Variants in TMPRSS11F observed in about 807,000 individuals in gnomAD.
The protein encoded by TMPRSS11F is transmembrane serine protease 11F.
TMPRSS11F carries 47 observed loss-of-function variants against 60.2 expected under a neutral mutation model. That is an observed-to-expected ratio of 0.78 (90% CI 0.62 to 1.00). The LOEUF (loss-of-function observed/expected upper bound fraction) is 1.00, where lower values mean the gene tolerates loss of function less well. Among genes scored for constraint, TMPRSS11F ranks in the 50% least tolerant of loss-of-function variants. The probability of loss-of-function intolerance (pLI) is 0.00; values close to 1 mark genes in which losing one functional copy is unlikely to be tolerated. For missense variants in TMPRSS11F, 519 were observed against 522.9 expected, an observed-to-expected ratio of 0.99 and a Z score of 0.07; for synonymous variants, 166 against 167.3, an observed-to-expected ratio of 0.99 and a Z score of 0.06.
intron 1 of TMPRSS11F, among the ~76,000 whole-genome samples, chr4:68,107,097 A>G (rs1343723243): frequency 6.6e-6 from 1 of 152,220 alleles, no homozygotes; most frequent in Non-Finnish European, 1.5e-5. Flanking sequence ...TTCTTGTATT[A>G]GAATGGTCAC....
chr4:68,126,789 A>G (rs765370770), intron 1 of TMPRSS11F, among the ~76,000 whole-genome samples: 3 of 152,252 alleles, frequency 2.0e-5, no homozygotes, highest in Non-Finnish European at 2.9e-5. Context: ...AATGTGTTAC[A>G]TATGTTTGAA....
chr4:68,094,041 A>T (rs1724012742), intron 2 of TMPRSS11F, among the ~76,000 whole-genome samples: 1 of 121,706 alleles, frequency 8.2e-6, no homozygotes, highest in Middle Eastern at 3.7e-3. Flanking sequence ...CAGCCATCCC[A>T]TTACTGGGTA....
chr4:68,067,770 T>C (rs1243631109), intron 7 of TMPRSS11F, among the ~76,000 whole-genome samples: 2 of 152,204 alleles, frequency 1.3e-5, no homozygotes, highest in African/African-American at 4.8e-5. Flanking sequence ...AGAAGGATGA[T>C]AAAGCACCTC....
chr4:68,055,832 A>T (rs1723032519), intron 9 of TMPRSS11F, among the ~76,000 whole-genome samples: 1 of 152,178 alleles, frequency 6.6e-6, no homozygotes, highest in African/African-American at 2.4e-5. Flanking sequence ...ATTCAAATAG[A>T]TTAAAGGAAT....
intron 4 of TMPRSS11F, among the ~76,000 whole-genome samples, chr4:68,073,337 G>A (rs533558860): frequency 6.6e-6 from 1 of 152,132 alleles, no homozygotes; most frequent in Admixed American, 6.6e-5. Flanking sequence ...AAATTGTGAT[G>A]TGCAGGGTTA....
chr4:68,120,543 T>G (rs900544797), intron 1 of TMPRSS11F, among the ~76,000 whole-genome samples: 1 of 151,212 alleles, frequency 6.6e-6, no homozygotes. Flanking sequence ...CGCCCGCCAC[T>G]ACGCCCGGCT....
chr4:68,109,096 T>A (rs1724357983), intron 1 of TMPRSS11F, among the ~76,000 whole-genome samples: 1 of 152,132 alleles, frequency 6.6e-6, no homozygotes, highest in Non-Finnish European at 1.5e-5. Context: ...AAAGTTTGCA[T>A]CTCCTACACT....
chr4:68,062,870 G>A, intron 8 of TMPRSS11F: 1 of 778,020 alleles, frequency 1.3e-6, no homozygotes, highest in East Asian at 2.6e-5. Flanking sequence ...TCTGTTTGCT[G>A]CCCAATTTTT....
Position 68,059,332 on chromosome 4 carries a change from T to A in TMPRSS11F, c.1152A>T (p.Ala384=). 6.2e-7 allele frequency: 1 copy of A among 1,613,654 alleles called. No homozygotes were observed. Among genetic ancestry groups the A allele is most frequent in the South Asian group, 1.1e-5 (1 of 91,026 alleles). The change falls in exon 9 of 10, where the codon GCA becomes GCT. Residue 384 remains alanine (A), a synonymous_variant. Transcript: ENST00000356291. The part of the protein sequence containing the change: ...CAGFMEGKID[A]CKGDSGGPLV... Reference sequence around the variant, plus strand: ...GCCTTGACTTTAAACTTACCTTACATGCATCTATTTTTCCTTCCATGAATC... The same window carrying A: ...GCCTTGACTTTAAACTTACCTTACAAGCATCTATTTTTCCTTCCATGAATC...
intron 1 of TMPRSS11F, among the ~76,000 whole-genome samples, chr4:68,123,053 T>C (rs1285237438): frequency 6.6e-6 from 1 of 152,088 alleles, no homozygotes; most frequent in South Asian, 2.1e-4. Context: ...AGTAAATAAA[T>C]CCCCACAATA....
At chr4:68,106,700 G>T (rs775373249) in intron 1 of TMPRSS11F, among the ~76,000 whole-genome samples, 15 of 152,148 alleles carry the variant, frequency 9.9e-5, no homozygotes, top group Admixed American at 3.9e-4. Flanking sequence ...AGGTGAAATT[G>T]TGGAGTGTGG....
chr4:68,085,690 A>G (rs1342375397), intron 3 of TMPRSS11F, among the ~76,000 whole-genome samples: 1 of 152,220 alleles, frequency 6.6e-6, no homozygotes, highest in East Asian at 1.9e-4. Context: ...CTCACATGTA[A>G]TGACACCCAT....
At chr4:68,069,379 T>G (rs1175121758) in intron 6 of TMPRSS11F, among the ~76,000 whole-genome samples, 4 of 152,188 alleles carry the variant, frequency 2.6e-5, no homozygotes, top group Non-Finnish European at 5.9e-5. Flanking sequence ...ACTATCGACC[T>G]TTTTGGTCTT....
chr4:68,077,421 G>C (rs555015639), intron 3 of TMPRSS11F: 1 of 152,194 alleles, frequency 6.6e-6, no homozygotes, highest in Non-Finnish European at 1.5e-5. Flanking sequence ...GATAACTTAA[G>C]GCAAGTTGAT....
intron 9 of TMPRSS11F, among the ~76,000 whole-genome samples, chr4:68,056,734 A>AT (rs1723055883): frequency 6.6e-6 from 1 of 152,168 alleles, no homozygotes; most frequent in Non-Finnish European, 1.5e-5. Context: ...AGTCAAAATA[A>AT]TTTTGAGCAA....
intron 1 of TMPRSS11F, among the ~76,000 whole-genome samples, chr4:68,102,244 G>C (rs75892689): frequency 6.6e-6 from 1 of 151,962 alleles, no homozygotes; most frequent in African/African-American, 2.4e-5. Flanking sequence ...GGCTGTTTCC[G>C]TATCTCAGCT....
At chr4:68,088,955 C>A (rs1277933504) in intron 3 of TMPRSS11F, among the ~76,000 whole-genome samples, 2 of 151,860 alleles carry the variant, frequency 1.3e-5, no homozygotes, top group African/African-American at 4.8e-5. Flanking sequence ...AGAATCAACA[C>A]CATTAAGATG....
At position 68,059,400 on chromosome 4, in the gene TMPRSS11F, C is replaced by A; in HGVS notation, c.1084G>T (p.Asp362Tyr). 6.2e-7 allele frequency: 1 copy of A among 1,613,876 alleles called. No individual in the cohort carries two copies. The highest frequency in any genetic ancestry group is 8.5e-7 in the Non-Finnish European group (1 of 1,179,968). The part of the protein sequence containing the change: ...TISTDVCNRK[D>Y]VYDGLITPGM... The stretch of plus-strand genomic sequence containing the variant: ...GGAGTTATCAGGCCATCATACACAT[C>A]CTTTCTGTTACACACATCAGTGCTT... Residue 362 changes from aspartate (D) to tyrosine (Y), a missense_variant, in exon 9 of 10, where the codon GAT becomes TAT. Asp to Tyr is a radical substitution (Grantham distance 160, BLOSUM62 -3). Transcript: ENST00000356291.
At chr4:68,063,882 TCATA>T (rs1723260641) in intron 8 of TMPRSS11F, among the ~76,000 whole-genome samples, 1 of 152,204 alleles carries the variant, frequency 6.6e-6, no homozygotes, top group Non-Finnish European at 1.5e-5. Flanking sequence ...TCATAAATTC[TCATA>T]CAATGAGAAA....
Sources: gnomAD v4.1 joint callset for allele counts (sites outside exome capture counted in the v4.1 genomes callset) on GRCh38, gnomAD v4.1.1 for gene constraint, MANE v1.5 for transcripts, NCBI Gene and HGNC (gene_info 2026-07-23, HGNC 2026-07-21) for gene names.